The following MLLT3 variants were observed in gnomAD, a reference collection of about 807,000 sequenced individuals.
MLLT3 encodes MLLT3 super elongation complex subunit.
MLLT3 carries 4 observed loss-of-function variants against 53.2 expected under a neutral mutation model. The observed-to-expected ratio is 0.08, with a 90% confidence interval of 0.04 to 0.17. The LOEUF is 0.17. Among genes scored for constraint, MLLT3 ranks in the 10% least tolerant of loss-of-function variants. The pLI, the probability that MLLT3 is intolerant of heterozygous loss-of-function variation, is 1.00. For synonymous variants in MLLT3, 283 were observed against 230.6 expected (o/e 1.23, Z -2.06); for missense variants, 569 against 684.0 (o/e 0.83, Z 1.87).
chr9:20,357,005 C>T (rs1821186440), intron 8 of MLLT3, among the ~76,000 whole-genome samples: 1 of 152,190 alleles, frequency 6.6e-6, no homozygotes, highest in Admixed American at 6.5e-5. Flanking sequence ...AAACCTCATT[C>T]TGAGAGAGCT....
intron 5 of MLLT3, among the ~76,000 whole-genome samples, chr9:20,409,010 T>C (rs927288662): frequency 5.9e-5 from 9 of 152,152 alleles, no homozygotes; most frequent in African/African-American, 2.2e-4. Context: ...TCAAGAAGGT[T>C]TTCTCCAAGA....
At chr9:20,537,390 A>G (rs1320622656) in intron 2 of MLLT3, among the ~76,000 whole-genome samples, 1 of 152,226 alleles carries the variant, frequency 6.6e-6, no homozygotes, top group East Asian at 1.9e-4. Context: ...TTTGTACAAG[A>G]AAATATATTT....
At chr9:20,541,965 C>A (rs990769318) in intron 2 of MLLT3, among the ~76,000 whole-genome samples, 1 of 152,170 alleles carries the variant, frequency 6.6e-6, no homozygotes, top group Non-Finnish European at 1.5e-5. Context: ...CCATGAATCA[C>A]AAATGTTCAT....
chr9:20,579,355 A>T (rs944475686), intron 2 of MLLT3, among the ~76,000 whole-genome samples: 4 of 152,160 alleles, frequency 2.6e-5, no homozygotes, highest in African/African-American at 9.7e-5. Flanking sequence ...CCTGGGCAAC[A>T]GAGTAAGATT....
At chr9:20,465,745 T>G (rs1007851338) in intron 2 of MLLT3, among the ~76,000 whole-genome samples, 24 of 152,170 alleles carry the variant, frequency 1.6e-4, no homozygotes, top group Admixed American at 1.4e-3. Flanking sequence ...TCTTGTGAGC[T>G]CTACTTCTTT....
At chr9:20,529,202 C>A (rs1377638410) in intron 2 of MLLT3, among the ~76,000 whole-genome samples, 1 of 152,210 alleles carries the variant, frequency 6.6e-6, no homozygotes, top group Non-Finnish European at 1.5e-5. Context: ...CTCAGGTGAT[C>A]CAAATGTGCA....
At position 20,470,373 on chromosome 9, in the gene MLLT3, A is replaced by T. The variant is rs189249112; in HGVS notation, c.194-13587T>A. 1.6e-3 allele frequency among the ~76,000 whole-genome samples: 239 copies of T among 151,864 alleles called. 1 individual carries two copies. The highest frequency in any genetic ancestry group is 4.3e-3 in the African/African-American group (177 of 41,420). The stretch of plus-strand genomic sequence containing the variant: ...ACAACAGGTTCATTTGTGTTTTATT[A>T]AAAAAAATTGCTCTCCCTGTGTGTT... On this transcript the variant is annotated intron_variant, in intron 2 of 10. Transcript: ENST00000380338.
rs956347144 is a variant in MLLT3 at position 20,620,902 on chromosome 9, G to A, written c.13-68C>T. 5.2e-6 allele frequency: 8 copies of A among 1,548,184 alleles called. No individual in the cohort carries two copies. The highest frequency in any genetic ancestry group is 1.4e-5 in the African/African-American group (1 of 73,330). ...GCGAGGTTTCGGCAGTGAACGTTGC[G>A]CCTGACATTTTTTTCCTCCTTCTTG... On this transcript the variant is annotated intron_variant, in intron 1 of 10. Transcript: ENST00000380338. This position sits in a 1 kb window ranked among gnomAD's most constrained non-coding sequence, Gnocchi z 6.1.
intron 2 of MLLT3, among the ~76,000 whole-genome samples, chr9:20,479,452 A>G (rs1311796256): frequency 6.6e-6 from 1 of 152,104 alleles, no homozygotes; most frequent in Non-Finnish European, 1.5e-5. Flanking sequence ...TCCTTACTCT[A>G]AACAAATCCT....
intron 10 of MLLT3, among the ~76,000 whole-genome samples, chr9:20,352,076 T>C (rs529083948): frequency 1.3e-5 from 2 of 152,346 alleles, no homozygotes; most frequent in African/African-American, 4.8e-5. Flanking sequence ...GTAAGCCACC[T>C]TTCTTCGCAA....
intron 5 of MLLT3, among the ~76,000 whole-genome samples, chr9:20,390,386 C>T (rs976156406): frequency 5.3e-5 from 8 of 152,064 alleles, no homozygotes; most frequent in African/African-American, 1.9e-4. Flanking sequence ...GATGGATCTA[C>T]AATTGTATAA....
At chr9:20,497,158 C>A (rs530272407) in intron 2 of MLLT3, among the ~76,000 whole-genome samples, 2 of 152,150 alleles carry the variant, frequency 1.3e-5, no homozygotes, top group East Asian at 3.8e-4. Flanking sequence ...TAAATGGCAA[C>A]GCAAACTTCA....
At chr9:20,584,125 G>A (rs10964624) in intron 2 of MLLT3, among the ~76,000 whole-genome samples, 63,543 of 151,940 alleles carry the variant, frequency 0.42, 13,785 homozygotes, top group Middle Eastern at 0.5. Context: ...TCAAGTTCAA[G>A]GTTCCACAAA....
In MLLT3 at chr9:20,342,644, G is replaced by A. The variant is rs1396414140; in HGVS notation, c.*3799C>T. 9.3e-6 allele frequency: 2 copies of A among 214,564 alleles called. No homozygotes were observed. Among genetic ancestry groups the A allele is most frequent in the East Asian group, 7.0e-5 (1 of 14,384 alleles). The allele number at this position is 214,564 out of a possible 1,614,324, so 13.3% of individuals were successfully genotyped here. On this transcript the variant is annotated 3_prime_UTR_variant, in exon 11 of 11. Transcript: ENST00000380338. ...TCTTTACAAGGAATATTCAGGGATG[G>A]CAGTGCCTACATAATAAAAAGCATC...
intron 2 of MLLT3, among the ~76,000 whole-genome samples, chr9:20,606,833 C>G (rs957248462): frequency 4.6e-5 from 7 of 152,110 alleles, no homozygotes; most frequent in Non-Finnish European, 1.0e-4. Flanking sequence ...GCCTCCAGCC[C>G]ACAATGTCAA....
chr9:20,533,485 G>C (rs960696661), intron 2 of MLLT3: 1 of 169,314 alleles, frequency 5.9e-6, no homozygotes, highest in African/African-American at 2.4e-5. Flanking sequence ...AGCCATTATA[G>C]AAAATAGTAT....
intron 2 of MLLT3, among the ~76,000 whole-genome samples, chr9:20,512,774 T>C (rs1384096197): frequency 6.6e-6 from 1 of 152,220 alleles, no homozygotes; most frequent in Non-Finnish European, 1.5e-5. Context: ...CACAACTGCT[T>C]CTAACTATAC....
At chr9:20,356,543 G>A (rs367680693) in intron 8 of MLLT3, among the ~76,000 whole-genome samples, 4 of 152,040 alleles carry the variant, frequency 2.6e-5, no homozygotes, top group Admixed American at 2.0e-4. Flanking sequence ...GAGACAATCC[G>A]CTGAGATTTC....
intron 2 of MLLT3, among the ~76,000 whole-genome samples, chr9:20,617,345 T>C (rs1484746482): frequency 1.3e-5 from 2 of 152,138 alleles, no homozygotes; most frequent in African/African-American, 4.8e-5. Context: ...GGAAAATTGT[T>C]AGAGTGGATT....
Sources: gnomAD v4.1 joint callset for allele counts (sites outside exome capture counted in the v4.1 genomes callset) on GRCh38, gnomAD v4.1.1 for gene constraint, Gnocchi (gnomAD v3.1) non-coding constraint, MANE v1.5 for transcripts, NCBI Gene and HGNC (gene_info 2026-07-23, HGNC 2026-07-21) for gene names.